The following TMEM200A variants were observed in gnomAD, a reference collection of about 807,000 sequenced individuals.
TMEM200A encodes the protein two transmembrane C.
A neutral mutation model predicts 24.3 loss-of-function variants in TMEM200A; 12 were observed. The ratio of observed to expected loss-of-function variants is 0.49; its 90% CI spans 0.32 to 0.80. The LOEUF (loss-of-function observed/expected upper bound fraction) is 0.80, where lower values mean the gene tolerates loss of function less well. TMEM200A is among the 30% of genes least tolerant of loss of function. The pLI is 0.04. For missense variants in TMEM200A, 545 were observed against 614.4 expected (o/e 0.89, Z 1.19); for synonymous variants, 224 against 224.4 (o/e 1.00, Z 0.02).
Position 130,441,650 on chromosome 6 carries a change from C to A in TMEM200A, c.1228C>A (p.Gln410Lys). Reference sequence around the variant, plus strand: ...CCGGGGTCCCTCCACTCTAACTGTTCAGGCAGAACAACGGAAACATCCAAG... The same window carrying A: ...CCGGGGTCCCTCCACTCTAACTGTTAAGGCAGAACAACGGAAACATCCAAG... ...LDRGPSTLTV[Q>K]AEQRKHPSWP... The change falls in exon 3 of 3, where the codon CAG becomes AAG. Residue 410 changes from glutamine to lysine, a missense_variant. Gln to Lys is a moderately conservative substitution (Grantham distance 53). Coordinates refer to ENST00000296978, the MANE Select transcript of TMEM200A (RefSeq NM_001258277.2). The A allele has an allele frequency of 6.2e-7, 1 of 1,614,026 alleles. No homozygotes were observed. The highest frequency in any genetic ancestry group is 1.7e-5 in the Admixed American group (1 of 60,006).
At chr6:130,433,468 TA>T (rs1196967897) in intron 2 of TMEM200A, among the ~76,000 whole-genome samples, 1 of 152,220 alleles carries the variant, frequency 6.6e-6, no homozygotes, top group Non-Finnish European at 1.5e-5. Flanking sequence ...TTTTATTTTT[TA>T]AACTTTATGT....
intron 2 of TMEM200A, among the ~76,000 whole-genome samples, chr6:130,408,936 C>T (rs182836098): frequency 1.2e-4 from 19 of 152,176 alleles, no homozygotes; most frequent in Admixed American, 9.8e-4. Context: ...CACAGGACCA[C>T]CACCCCCTCC....
chr6:130,420,705 AAT>A lies in TMEM200A; in HGVS notation c.-16-19701_-16-19700del, dbSNP rs1457878772. On this transcript the variant is annotated intron_variant, in intron 2 of 2. Transcript: ENST00000296978. ...CAGCCTCGGGTCCTTAGCTCCCAGC[AAT>A]GTCTTCAAGTAACAGTGAGTGAAGA... Among the ~76,000 whole-genome samples, 14 of 152,266 alleles carry A rather than the reference AAT, an allele frequency of 9.2e-5. No individual in the cohort carries two copies. The East Asian group carries it at 2.3e-3, about 25-fold the overall frequency.
intron 2 of TMEM200A, chr6:130,438,040 T>C (rs1780063379): frequency 6.6e-6 from 1 of 152,206 alleles, no homozygotes; most frequent in East Asian, 1.9e-4. Context: ...AAGCCTGCCA[T>C]ATGGAAATAA....
intron 2 of TMEM200A, among the ~76,000 whole-genome samples, chr6:130,410,239 C>G (rs958785928): frequency 5.9e-5 from 9 of 152,302 alleles, no homozygotes; most frequent in African/African-American, 2.2e-4. Flanking sequence ...GAAGACCAAC[C>G]TCATCGCTTT....
At chr6:130,400,118 A>C (rs1047550312) in intron 2 of TMEM200A, among the ~76,000 whole-genome samples, 2 of 151,880 alleles carry the variant, frequency 1.3e-5, no homozygotes, top group East Asian at 3.9e-4. Flanking sequence ...ACACACACAC[A>C]CACACCACAG....
At chr6:130,373,222 C>CA (rs1309761863) in intron 1 of TMEM200A, among the ~76,000 whole-genome samples, 2 of 152,156 alleles carry the variant, frequency 1.3e-5, no homozygotes, top group African/African-American at 4.8e-5. Flanking sequence ...AGTGAACATA[C>CA]ATGTGCAAGT....
At chr6:130,369,314 A>G (rs1392184187) in intron 1 of TMEM200A, among the ~76,000 whole-genome samples, 2 of 152,216 alleles carry the variant, frequency 1.3e-5, no homozygotes, top group African/African-American at 2.4e-5. Flanking sequence ...CTGCACCAGT[A>G]TGCGCCACTG....
At chr6:130,429,287 C>T (rs1258168933) in intron 2 of TMEM200A, among the ~76,000 whole-genome samples, 3 of 152,010 alleles carry the variant, frequency 2.0e-5, no homozygotes, top group African/African-American at 4.8e-5. Flanking sequence ...TTTGGAAGGC[C>T]GAGGTGGGCG....
intron 2 of TMEM200A, chr6:130,439,462 C>G (rs1409504499): frequency 6.6e-6 from 1 of 152,224 alleles, no homozygotes; most frequent in Non-Finnish European, 1.5e-5. Context: ...AGTGGTGCAG[C>G]TGGTGTGTGC....
chr6:130,412,472 G>A (rs993904629), intron 2 of TMEM200A, among the ~76,000 whole-genome samples: 1 of 152,062 alleles, frequency 6.6e-6, no homozygotes, highest in African/African-American at 2.4e-5. Flanking sequence ...CTAACACCTT[G>A]TGCTGGCCCA....
At chr6:130,371,786 G>A (rs1239574085) in intron 1 of TMEM200A, among the ~76,000 whole-genome samples, 1 of 152,210 alleles carries the variant, frequency 6.6e-6, no homozygotes, top group Non-Finnish European at 1.5e-5. Flanking sequence ...ACTGGAGTTT[G>A]ATTGTTGACC....
chr6:130,432,885 G>T (rs1779911345), intron 2 of TMEM200A, among the ~76,000 whole-genome samples: 1 of 152,124 alleles, frequency 6.6e-6, no homozygotes, highest in Non-Finnish European at 1.5e-5. Flanking sequence ...GGCTCCAAGA[G>T]GTTGATTCAT....
chr6:130,386,343 C>T (rs180687156), intron 2 of TMEM200A, among the ~76,000 whole-genome samples: 3 of 152,236 alleles, frequency 2.0e-5, no homozygotes, highest in Admixed American at 1.3e-4. Context: ...TTGCTTAGAA[C>T]GGGGCTGAAA....
intron 1 of TMEM200A, among the ~76,000 whole-genome samples, chr6:130,373,984 A>G (rs929316767): frequency 6.6e-6 from 1 of 152,108 alleles, no homozygotes; most frequent in Non-Finnish European, 1.5e-5. Flanking sequence ...TTTAGAATGT[A>G]GACTATGTAA....
Position 130,441,289 on chromosome 6 carries a change from A to C in TMEM200A, c.867A>C (p.Thr289=). 1 of 1,614,104 alleles carries C rather than the reference A, an allele frequency of 6.2e-7. No individual in the cohort carries two copies. Among genetic ancestry groups the C allele is most frequent in the Non-Finnish European group, 8.5e-7 (1 of 1,179,996 alleles). Residue 289 remains threonine, a synonymous_variant, in exon 3 of 3, where the codon ACA becomes ACC. Transcript: ENST00000296978. ...TGTCATCGTCCATCAGTGCTTTTAC[A>C]TTGCCTGTGATCAAACTTAATAACT... ...SIVSSSISAF[T]LPVIKLNNCV...
chr6:130,407,272 T>C (rs2115149167), intron 2 of TMEM200A, among the ~76,000 whole-genome samples: 1 of 152,308 alleles, frequency 6.6e-6, no homozygotes, highest in African/African-American at 2.4e-5. Flanking sequence ...TTGGATGAAA[T>C]CTAACCTAAT....
chr6:130,429,526 T>C (rs1301513487), intron 2 of TMEM200A, among the ~76,000 whole-genome samples: 1 of 152,176 alleles, frequency 6.6e-6, no homozygotes, highest in African/African-American at 2.4e-5. Flanking sequence ...ATATAGGTGG[T>C]AGTATTTCAA....
At chr6:130,436,625 TTTATCC>T (rs1780020544) in intron 2 of TMEM200A, among the ~76,000 whole-genome samples, 2 of 139,474 alleles carry the variant, frequency 1.4e-5, no homozygotes, top group African/African-American at 2.8e-5. Context: ...TTCGTTTTTC[TTTATCC>T]TTTTTTTTTT....
Sources: gnomAD v4.1 joint callset for allele counts (sites outside exome capture counted in the v4.1 genomes callset) on GRCh38, gnomAD v4.1.1 for gene constraint, MANE v1.5 for transcripts, NCBI Gene and HGNC (gene_info 2026-07-23, HGNC 2026-07-21) for gene names.